The following IRAK1BP1 variants were observed in gnomAD, a reference collection of about 807,000 sequenced individuals.
IRAK1BP1 encodes the protein interleukin 1 receptor associated kinase 1 binding protein 1.
A neutral mutation model predicts 28.0 loss-of-function variants in IRAK1BP1; 24 were observed. The ratio of observed to expected loss-of-function variants is 0.86; its 90% CI spans 0.62 to 1.20. IRAK1BP1 has a LOEUF of 1.20. IRAK1BP1 is among the 50% of genes most tolerant of loss of function. The pLI, the probability that IRAK1BP1 is intolerant of heterozygous loss-of-function variation, is 0.00. For missense variants in IRAK1BP1, 336 were observed against 316.7 expected (o/e 1.06, Z -0.46); for synonymous variants, 131 against 116.3 (o/e 1.13, Z -0.81).
intron 1 of IRAK1BP1, among the ~76,000 whole-genome samples, chr6:78,873,530 T>C (rs1037292378): frequency 1.3e-4 from 20 of 151,750 alleles, no homozygotes; most frequent in African/African-American, 4.8e-4. Context: ...CAGTATGGAG[T>C]AGGGTGATTA....
chr6:78,955,542 G>A, the IRAK1BP1 span: 2 of 601,686 alleles, frequency 3.3e-6, no homozygotes, highest in Non-Finnish European at 5.9e-6. Flanking sequence ...GCTTTTACCT[G>A]AAAACTACAA....
intron 1 of IRAK1BP1, among the ~76,000 whole-genome samples, chr6:78,881,357 T>G (rs1323003337): frequency 9.2e-5 from 14 of 152,120 alleles, no homozygotes; most frequent in Non-Finnish European, 2.9e-5. Flanking sequence ...TGGTTAACAA[T>G]CTGTTGGAGG....
chr6:78,872,868 A>G (rs1242307965), intron 1 of IRAK1BP1, among the ~76,000 whole-genome samples: 4 of 152,020 alleles, frequency 2.6e-5, no homozygotes, highest in African/African-American at 4.8e-5. Context: ...TTGAACTTAA[A>G]CTTTTTAAAT....
intron 1 of IRAK1BP1, among the ~76,000 whole-genome samples, chr6:78,876,343 A>G (rs182598017): frequency 6.6e-6 from 1 of 152,288 alleles, no homozygotes; most frequent in Admixed American, 6.5e-5. Flanking sequence ...TTGTTTATAA[A>G]TTACCCAAAC....
rs1315301405 is a variant in IRAK1BP1, at chr6:78,898,457, T to A, written c.*123T>A. The A allele has an allele frequency of 6.2e-6, 1 of 161,432 alleles. No homozygotes were observed. The highest frequency in any genetic ancestry group is 1.7e-4 in the East Asian group (1 of 5,736). 10.0% of individuals were successfully genotyped at this position (161,432 alleles called of 1,614,324 possible). A position where few individuals can be genotyped will look rare whatever the true frequency, so the allele number is the denominator to read the frequency against. ...ATATATATATATATGGTATAGGAGA[T>A]AAGCTATTTCTTTCCAAAATCTATA... On this transcript the variant is annotated 3_prime_UTR_variant, in exon 4 of 4. Transcript: ENST00000369940.
At chr6:78,926,949 G>T (rs1772906113) in intron 4 of IRAK1BP1, among the ~76,000 whole-genome samples, 1 of 152,046 alleles carries the variant, frequency 6.6e-6, no homozygotes, top group Non-Finnish European at 1.5e-5. Flanking sequence ...TTCATTTGTT[G>T]ATGGACACTT....
chr6:78,922,572 G>A (rs7755754), intron 4 of IRAK1BP1, among the ~76,000 whole-genome samples: 135,986 of 152,130 alleles, frequency 0.89, 60,813 homozygotes, highest in Admixed American at 0.9. Flanking sequence ...AATACAGAGA[G>A]TGCCACAAAG....
At chr6:78,977,520 T>TA in the IRAK1BP1 span, among the ~76,000 whole-genome samples, 11 of 152,034 alleles carry the variant, frequency 7.2e-5, no homozygotes, top group South Asian at 1.2e-3. Context: ...AAACTTAAAT[T>TA]AAAAAAATAC....
chr6:78,968,107 C>G, the IRAK1BP1 span, among the ~76,000 whole-genome samples: 1 of 152,110 alleles, frequency 6.6e-6, no homozygotes, highest in Non-Finnish European at 1.5e-5. Context: ...TGCACTCCAG[C>G]CTGGGTGACA....
the IRAK1BP1 span, among the ~76,000 whole-genome samples, chr6:78,964,238 T>C: frequency 6.6e-6 from 1 of 152,166 alleles, no homozygotes; most frequent in African/African-American, 2.4e-5. Context: ...AAAAATATAT[T>C]ATTGGCATTA....
At chr6:78,914,919 C>A (rs899346410) in intron 4 of IRAK1BP1, among the ~76,000 whole-genome samples, 3 of 152,188 alleles carry the variant, frequency 2.0e-5, no homozygotes, top group Non-Finnish European at 4.4e-5. Context: ...CTTCCAGGTT[C>A]AAGTGATTCT....
chr6:78,965,737 C>T, the IRAK1BP1 span: 2 of 1,576,440 alleles, frequency 1.3e-6, no homozygotes, highest in Non-Finnish European at 1.7e-6. Context: ...CCCAAGGACT[C>T]ATCTTTTCTG....
the IRAK1BP1 span, chr6:78,961,805 C>T: frequency 6.2e-7 from 1 of 1,606,586 alleles, no homozygotes; most frequent in South Asian, 1.1e-5. Flanking sequence ...AATGCTGAGG[C>T]AATATCTAAA....
At chr6:78,885,799 CT>C (rs1248745900) in intron 2 of IRAK1BP1, among the ~76,000 whole-genome samples, 1 of 152,074 alleles carries the variant, frequency 6.6e-6, no homozygotes, top group Non-Finnish European at 1.5e-5. Context: ...TTTCAACATT[CT>C]TTTGTTTTTC....
chr6:78,958,416 G>A, the IRAK1BP1 span: 12 of 1,064,866 alleles, frequency 1.1e-5, no homozygotes, highest in African/African-American at 1.6e-5. Flanking sequence ...ATTTTAAGAG[G>A]AACTGTAGTG....
rs1381807142 is a variant in IRAK1BP1 at position 78,902,519 on chromosome 6, C to G, written c.*4185C>G. The G allele has an allele frequency of 6.5e-6, 1 of 154,120 alleles. No homozygotes were observed. Among genetic ancestry groups the G allele is most frequent in the Non-Finnish European group, 1.4e-5 (1 of 69,380 alleles). 9.5% of individuals were successfully genotyped at this position (154,120 alleles called of 1,614,324 possible). Reference sequence around the variant, plus strand: ...AGGCACGTTGGCTCACGCCTGTAATCCCAGCACTTGGGAGGCCGAGGTAGG... The same window carrying G: ...AGGCACGTTGGCTCACGCCTGTAATGCCAGCACTTGGGAGGCCGAGGTAGG... On this transcript the variant is annotated 3_prime_UTR_variant, in exon 4 of 4. Transcript: ENST00000369940.
Position 78,898,171 on chromosome 6 carries a change from A to G in IRAK1BP1, c.620A>G (p.Glu207Gly), listed in dbSNP as rs1190324538. 6.2e-7 allele frequency: 1 copy of G among 1,613,892 alleles called. No homozygotes were observed. Among genetic ancestry groups the G allele is most frequent in the Non-Finnish European group, 8.5e-7 (1 of 1,179,976 alleles). The change falls in exon 4 of 4, where the codon GAA (glutamate) becomes GGA (glycine). Residue 207 changes from glutamate (E) to glycine (G), a missense_variant. Physicochemically the swap from Glu to Gly is moderately conservative, Grantham distance 98. Transcript: ENST00000369940. ...LGKPLLIKEE[E>G]TKEWEGQIDD... ...AAACCTTTACTAATCAAAGAAGAAGAAACAAAAGAATGGGAAGGCCAAATA... is the reference window on the plus strand; with the variant it reads ...AAACCTTTACTAATCAAAGAAGAAGGAACAAAAGAATGGGAAGGCCAAATA...
downstream of IRAK1BP1, chr6:78,946,777 T>C: frequency 1.3e-6 from 2 of 1,593,478 alleles, no homozygotes; most frequent in Non-Finnish European, 1.7e-6. Flanking sequence ...GGTTATGGTA[T>C]TTCTTTTATG....
At chr6:78,940,264 A>G (rs1281104643) in intron 4 of IRAK1BP1, 3 of 151,948 alleles carry the variant, frequency 2.0e-5, no homozygotes, top group Admixed American at 6.6e-5. Flanking sequence ...ACTTGTATCA[A>G]TAGAAATGTA....
Sources: gnomAD v4.1 joint callset for allele counts (sites outside exome capture counted in the v4.1 genomes callset) on GRCh38, gnomAD v4.1.1 for gene constraint, MANE v1.5 for transcripts, NCBI Gene and HGNC (gene_info 2026-07-23, HGNC 2026-07-21) for gene names.